The following GEMIN7 variants were observed in gnomAD, a reference collection of about 807,000 sequenced individuals.
GEMIN7 encodes the protein gem nuclear organelle associated protein 7.
GEMIN7 carries 7 observed loss-of-function variants against 7.8 expected under a neutral mutation model. That is an observed-to-expected ratio of 0.90 (90% CI 0.51 to 1.69). GEMIN7 has a LOEUF of 1.69. GEMIN7 is among the 40% of genes most tolerant of loss of function. The pLI is 0.00. For synonymous variants in GEMIN7, 68 were observed against 72.4 expected, an observed-to-expected ratio of 0.94 and a Z score of 0.31; for missense variants, 159 against 176.2, an observed-to-expected ratio of 0.90 and a Z score of 0.55.
rs1244934061 is a variant in GEMIN7, at chr19:45,088,711, G to A, written c.-8-1396G>A. On this transcript the variant is annotated intron_variant, in intron 2 of 2. Transcript: ENST00000270257. Reference sequence around the variant, plus strand: ...AGCCTCGGCAACATAGTGAGACCCTGTCTCTTTAAAATTTAAAAAAAAAAG... The same window carrying A: ...AGCCTCGGCAACATAGTGAGACCCTATCTCTTTAAAATTTAAAAAAAAAAG... 6 of 151,750 alleles carry A rather than the reference G, an allele frequency of 4.0e-5. No homozygotes were observed. In the East Asian group the frequency reaches 1.2e-3, roughly 29 times the overall value. 9.4% of individuals were successfully genotyped at this position (151,750 alleles called of 1,614,324 possible).
At chr19:45,080,278 A>G (rs1023883855) in intron 2 of GEMIN7, among the ~76,000 whole-genome samples, 1 of 151,642 alleles carries the variant, frequency 6.6e-6, no homozygotes, top group Non-Finnish European at 1.5e-5. Flanking sequence ...ATCAGGTCAC[A>G]CCTTGGCTCC....
In GEMIN7 at chr19:45,087,941, AATTT is replaced by A. The variant is rs1209562110; in HGVS notation, c.-8-2165_-8-2162del. On this transcript the variant is annotated intron_variant, in intron 2 of 2. Coordinates refer to ENST00000270257, the MANE Select transcript of GEMIN7 (RefSeq NM_024707.3). The stretch of plus-strand genomic sequence containing the variant: ...TGTGTGTGTGTATATATAGATATAT[AATTT>A]TTTTTTTTTTTTTTTTTTGAGACAG... Among the ~76,000 whole-genome samples the A allele has an allele frequency of 9.5e-3, 1,211 of 127,422 alleles. 22 individuals are homozygous for A. Among genetic ancestry groups the A allele is most frequent in the African/African-American group, 0.034 (1,114 of 32,696 alleles). The allele number at this position is 127,422 out of a possible 152,430, so 83.6% of individuals were successfully genotyped here. A position where few individuals can be genotyped will look rare whatever the true frequency, so the allele number is the denominator to read the frequency against.
chr19:45,085,607 G>C (rs915600307), intron 2 of GEMIN7: 1 of 152,118 alleles, frequency 6.6e-6, no homozygotes, highest in East Asian at 1.9e-4. Flanking sequence ...GTCTTGCAAG[G>C]GGCTCACAGT....
At position 45,090,203 on chromosome 19, in the gene GEMIN7, G is replaced by A. The variant is rs751596684; in HGVS notation, c.89G>A (p.Arg30His). 8.1e-6 allele frequency: 13 copies of A among 1,614,190 alleles called. No individual in the cohort carries two copies. The highest frequency in any genetic ancestry group is 3.3e-5 in the Admixed American group (2 of 60,036). Residue 30 changes from arginine (R) to histidine (H), a missense_variant, in exon 3 of 3, where the codon CGC (arginine) becomes CAC (histidine). Transcript: ENST00000270257. ...AGCCGTGGCTTTGCCCCTGATGGAC[G>A]CAGAGCCCCCTTGAGGCCAGAGGTT... ...GFSRGFAPDG[R>H]RAPLRPEVPE...
At chr19:45,081,743 C>T (rs1967511729) in intron 2 of GEMIN7, among the ~76,000 whole-genome samples, 1 of 152,104 alleles carries the variant, frequency 6.6e-6, no homozygotes, top group Admixed American at 6.5e-5. Context: ...TCTTCTGCCT[C>T]AGCCTCCCGA....
chr19:45,088,482 A>T (rs7260614), intron 2 of GEMIN7: 84,870 of 151,812 alleles, frequency 0.56, 24,511 homozygotes, highest in African/African-American at 0.68. Context: ...TACATTGTCA[A>T]GCCTGGCTAA....
intron 2 of GEMIN7, among the ~76,000 whole-genome samples, chr19:45,086,760 T>C (rs1262869101): frequency 3.9e-5 from 6 of 152,206 alleles, no homozygotes; most frequent in Non-Finnish European, 7.3e-5. Context: ...GGGCTATTTT[T>C]CCATACAATG....
chr19:45,077,864 CT>C (rs879531338), upstream of GEMIN7, among the ~76,000 whole-genome samples: 1,533 of 144,974 alleles, frequency 0.011, 18 homozygotes, highest in African/African-American at 0.029. Flanking sequence ...TCTGATCACC[CT>C]TTTTTTTTTT....
At chr19:45,080,326 A>T (rs10420057) in intron 2 of GEMIN7, among the ~76,000 whole-genome samples, 40,758 of 151,548 alleles carry the variant, frequency 0.27, 7,105 homozygotes, top group African/African-American at 0.5. Flanking sequence ...GGTGAGGACC[A>T]GAGTTTGCTC....
intron 2 of GEMIN7, among the ~76,000 whole-genome samples, chr19:45,084,071 C>T (rs1214823878): frequency 1.3e-5 from 2 of 151,784 alleles, no homozygotes; most frequent in Non-Finnish European, 2.9e-5. Flanking sequence ...ATCAGCTGGG[C>T]GTGGTCGCGG....
Position 45,090,201 on chromosome 19 carries a change from A to C in GEMIN7, c.87A>C (p.Gly29=). ...TCAGCCGTGGCTTTGCCCCTGATGG[A>C]CGCAGAGCCCCCTTGAGGCCAGAGG... The part of the protein sequence containing the change: ...DGFSRGFAPD[G]RRAPLRPEVP... Residue 29 remains glycine (G), a synonymous_variant, in exon 3 of 3, where the codon GGA becomes GGC. Coordinates refer to ENST00000270257, the MANE Select transcript of GEMIN7 (RefSeq NM_024707.3). 6.2e-7 allele frequency: 1 copy of C among 1,614,144 alleles called. No individual in the cohort carries two copies.
At chr19:45,079,116 G>A (rs941676109), upstream of GEMIN7, 1 of 152,238 alleles carries the variant, frequency 6.6e-6, no homozygotes, top group Non-Finnish European at 1.5e-5. Context: ...GGGCCAGGTG[G>A]CGACCCGGGC....
Position 45,090,529 on chromosome 19 carries a change from T to C in GEMIN7, c.*19T>C. The C allele has an allele frequency of 6.3e-7, 1 of 1,590,836 alleles. No individual in the cohort carries two copies. The highest frequency in any genetic ancestry group is 8.6e-7 in the Non-Finnish European group (1 of 1,163,782). On this transcript the variant is annotated 3_prime_UTR_variant, in exon 3 of 3. Transcript: ENST00000270257. ...GCCATAAAGATATTGTGTTCACTTT[T>C]CTGCTTGAGGCTAAGGCACTGTATC...
upstream of GEMIN7, chr19:45,076,561 G>C (rs983925973): frequency 1.6e-5 from 6 of 384,488 alleles, no homozygotes; most frequent in Non-Finnish European, 2.6e-5. The surrounding 1 kb of genome is among the most constrained non-coding windows in gnomAD (Gnocchi z 4.9). Context: ...GGAGGGGACC[G>C]AGCCGCCCTG....
chr19:45,089,761 C>T (rs1444385392), intron 2 of GEMIN7, among the ~76,000 whole-genome samples: 1 of 152,206 alleles, frequency 6.6e-6, no homozygotes, highest in Non-Finnish European at 1.5e-5. Context: ...CAAAGTGATC[C>T]TCCTGCCTTG....
chr19:45,084,748 A>G (rs1967622927), intron 2 of GEMIN7, among the ~76,000 whole-genome samples: 2 of 151,986 alleles, frequency 1.3e-5, no homozygotes, highest in African/African-American at 4.8e-5. Context: ...CAGCCCAGCT[A>G]ATTTTATTTA....
chr19:45,087,601 C>T (rs548320714), intron 2 of GEMIN7, among the ~76,000 whole-genome samples: 1 of 152,284 alleles, frequency 6.6e-6, no homozygotes, highest in East Asian at 1.9e-4. Context: ...AAGGGATTGC[C>T]AGGCATCGCG....
Position 45,090,317 on chromosome 19 carries a change from G to T in GEMIN7, c.203G>T (p.Arg68Leu), listed in dbSNP as rs539996423. 6.2e-7 allele frequency: 1 copy of T among 1,614,120 alleles called. No individual in the cohort carries two copies. The highest frequency in any genetic ancestry group is 8.5e-7 in the Non-Finnish European group (1 of 1,180,034). Reference sequence around the variant, plus strand: ...GCCGCCCTTCGGGAGCGTTACCTCCGCAGCCTGCTGGCCATGGTGGGTCAT... The same window carrying T: ...GCCGCCCTTCGGGAGCGTTACCTCCTCAGCCTGCTGGCCATGGTGGGTCAT... ...ARAALRERYL[R>L]SLLAMVGHQV... The change falls in exon 3 of 3, where the codon CGC becomes CTC. Residue 68 changes from arginine to leucine, a missense_variant. By Grantham distance (102) the Arg-to-Leu change is moderately radical (BLOSUM62 -2). Coordinates refer to ENST00000270257, the MANE Select transcript of GEMIN7 (RefSeq NM_024707.3).
At chr19:45,076,258 T>C (rs777997669), upstream of GEMIN7, 3 of 1,501,938 alleles carry the variant, frequency 2.0e-6, no homozygotes, top group Middle Eastern at 1.8e-4. The surrounding 1 kb of genome is among the most constrained non-coding windows in gnomAD (Gnocchi z 4.9). Context: ...GGGCTGCGCG[T>C]CTGGCTCGGG....
Sources: allele counts gnomAD v4.1 joint callset (sites outside exome capture counted in the v4.1 genomes callset), GRCh38; gene constraint gnomAD v4.1.1; non-coding constraint Gnocchi (gnomAD v3.1); transcripts MANE v1.5; gene names NCBI Gene and HGNC (gene_info 2026-07-23, HGNC 2026-07-21).